The following OR8G5 variants were observed in gnomAD, a reference collection of about 807,000 sequenced individuals.
OR8G5 encodes the protein olfactory receptor 8G5.
For missense variants in OR8G5, 347 were observed against 371.9 expected (o/e 0.93, Z 0.55); for synonymous variants, 147 against 147.7 (o/e 1.00, Z 0.03).
rs144888494 is a variant in OR8G5 at position 124,263,915 on chromosome 11, T to C, written c.-14-1003T>C. On this transcript the variant is annotated intron_variant, in intron 1 of 1. Transcript: ENST00000641992. ...CTGTTTAACAGAAAGGGGATCACAC[T>C]TGTAATTCTGTTTTTTAATTGTGTG... Among the ~76,000 whole-genome samples the C allele has an allele frequency of 3.4e-3, 515 of 152,272 alleles. 5 individuals are homozygous for C. The highest frequency in any genetic ancestry group is 0.012 in the African/African-American group (496 of 41,564).
intron 1 of OR8G5, among the ~76,000 whole-genome samples, chr11:124,259,577 C>T (rs553532067): frequency 6.6e-6 from 1 of 152,138 alleles, no homozygotes; most frequent in Admixed American, 6.5e-5. Flanking sequence ...GTCTGGGGAA[C>T]AGGATAGAGT....
chr11:124,265,724 G>C lies in OR8G5; in HGVS notation c.793G>C (p.Val265Leu), dbSNP rs777070624. The change falls in exon 2 of 2, where the codon GTC (valine) becomes CTC (leucine). Residue 265 changes from valine (V) to leucine (L), a missense_variant. Physicochemically the swap from Val to Leu is conservative, Grantham distance 32. Transcript: ENST00000641992. ...ATTCATGTACCTGCAGCCATCATCTGTCAGCTCCATGGACCAGGGGAAAGT... is the reference window on the plus strand; with the variant it reads ...ATTCATGTACCTGCAGCCATCATCTCTCAGCTCCATGGACCAGGGGAAAGT... ...AAFMYLQPSS[V>L]SSMDQGKVSS... 17 of 1,614,022 alleles carry C rather than the reference G, an allele frequency of 1.1e-5. No homozygotes were observed. Among genetic ancestry groups the C allele is most frequent in the Non-Finnish European group, 1.4e-5 (17 of 1,179,942 alleles).
chr11:124,265,887 G>T lies in OR8G5; in HGVS notation c.*20G>T. 6.4e-7 allele frequency: 1 copy of T among 1,572,836 alleles called. No homozygotes were observed. Among genetic ancestry groups the T allele is most frequent in the Non-Finnish European group, 8.6e-7 (1 of 1,159,414 alleles). On this transcript the variant is annotated 3_prime_UTR_variant, in exon 2 of 2. Transcript: ENST00000641992. ...TTATGAACAGAAGTACAATGAAAAA[G>T]ATTGCATTAGATCTAAGTTTTTGGC...
intron 1 of OR8G5, among the ~76,000 whole-genome samples, chr11:124,263,377 T>C (rs571727906): frequency 1.3e-5 from 2 of 152,188 alleles, no homozygotes; most frequent in East Asian, 3.9e-4. Flanking sequence ...CTTTAAGCTT[T>C]AGGGTACGTG....
intron 1 of OR8G5, among the ~76,000 whole-genome samples, chr11:124,258,373 A>G (rs1018504321): frequency 7.2e-5 from 11 of 152,002 alleles, no homozygotes; most frequent in African/African-American, 2.7e-4. Flanking sequence ...CCTGACCAAC[A>G]TAGCGAAACC....
chr11:124,258,114 A>G (rs1861929886), intron 1 of OR8G5, among the ~76,000 whole-genome samples: 1 of 152,168 alleles, frequency 6.6e-6, no homozygotes, highest in South Asian at 2.1e-4. Context: ...TAAGTCTGTC[A>G]AACACCATAC....
chr11:124,258,058 T>G (rs2512190), intron 1 of OR8G5, among the ~76,000 whole-genome samples: 74,223 of 151,886 alleles, frequency 0.49, 18,779 homozygotes, highest in East Asian at 0.58. Context: ...CCCATTGAAT[T>G]ATCTCCTCTC....
intron 1 of OR8G5, 112 bp from the exon 2 acceptor site, chr11:124,264,806 A>T (rs540878100): frequency 7.5e-7 from 1 of 1,327,158 alleles, no homozygotes; most frequent in Admixed American, 2.0e-5. Context: ...ATTATGATTC[A>T]GTTAATTGAA....
chr11:124,262,035 TTA>T (rs1861976327), intron 1 of OR8G5, among the ~76,000 whole-genome samples: 2 of 151,818 alleles, frequency 1.3e-5, no homozygotes, highest in Admixed American at 1.3e-4. Flanking sequence ...AATTTATACC[TTA>T]TATGCACATA....
chr11:124,264,879 C>A (rs770528633), intron 1 of OR8G5, 39 bp from the exon 2 acceptor site: 2 of 1,607,244 alleles, frequency 1.2e-6, no homozygotes, highest in Non-Finnish European at 1.7e-6. Flanking sequence ...AATAACAATA[C>A]AATTCACCTA....
chr11:124,262,674 TAC>T (rs377046056), intron 1 of OR8G5, among the ~76,000 whole-genome samples: 4 of 151,178 alleles, frequency 2.6e-5, no homozygotes, highest in South Asian at 2.1e-4. Context: ...TATGTACATA[TAC>T]ACACACACAC....
chr11:124,262,319 C>T (rs1408132354), intron 1 of OR8G5, among the ~76,000 whole-genome samples: 1 of 151,388 alleles, frequency 6.6e-6, no homozygotes, highest in Non-Finnish European at 1.5e-5. Flanking sequence ...TTTTGCATAG[C>T]CTACAAATAT....
At chr11:124,258,319 G>A (rs1291556385) in intron 1 of OR8G5, among the ~76,000 whole-genome samples, 1 of 152,136 alleles carries the variant, frequency 6.6e-6, no homozygotes, top group African/African-American at 2.4e-5. Context: ...CACTTTGGGA[G>A]GTTGAGTTGG....
intron 1 of OR8G5, among the ~76,000 whole-genome samples, chr11:124,263,218 G>T (rs1031775539): frequency 6.6e-6 from 1 of 152,032 alleles, no homozygotes; most frequent in African/African-American, 2.4e-5. Context: ...TTAGATAAAA[G>T]TCCTCTGTCA....
At chr11:124,257,528 G>A (rs1041483199) in intron 1 of OR8G5, among the ~76,000 whole-genome samples, 1 of 152,148 alleles carries the variant, frequency 6.6e-6, no homozygotes, top group Admixed American at 6.5e-5. Flanking sequence ...AGCTGGATGA[G>A]ACGGACAAGT....
intron 1 of OR8G5, among the ~76,000 whole-genome samples, chr11:124,262,832 G>A (rs772036310): frequency 2.0e-5 from 3 of 151,846 alleles, no homozygotes; most frequent in Non-Finnish European, 4.4e-5. Context: ...ATTTTTCTTG[G>A]GTAAATACTA....
chr11:124,265,372 G>A lies in OR8G5; in HGVS notation c.441G>A (p.Val147=), dbSNP rs777415993. 37 of 1,613,862 alleles carry A rather than the reference G, an allele frequency of 2.3e-5. No individual in the cohort carries two copies. Among genetic ancestry groups the A allele is most frequent in the Non-Finnish European group, 3.0e-5 (35 of 1,179,882 alleles). ...SNKACFSLIL[V]VYVIGLICAS... ...AGGCTTGCTTTTCTCTGATTTTAGT[G>A]GTGTATGTAATAGGCCTGATTTGTG... The change falls in exon 2 of 2, where the codon GTG becomes GTA. Residue 147 remains valine (V), a synonymous_variant. Coordinates refer to ENST00000641992, the MANE Select transcript of OR8G5 (RefSeq NM_001005198.2).
At chr11:124,260,634 TAGTG>T (rs571267345) in intron 1 of OR8G5, among the ~76,000 whole-genome samples, 13 of 151,790 alleles carry the variant, frequency 8.6e-5, no homozygotes, top group Non-Finnish European at 1.3e-4. Context: ...ATCTTTATAA[TAGTG>T]AGTCTTATTA....
chr11:124,258,154 C>T (rs1861930291), intron 1 of OR8G5, among the ~76,000 whole-genome samples: 1 of 152,136 alleles, frequency 6.6e-6, no homozygotes, highest in Admixed American at 6.6e-5. Context: ...TCTTTTGTTT[C>T]TCTTTCAATG....
Sources: allele counts gnomAD v4.1 joint callset (sites outside exome capture counted in the v4.1 genomes callset), GRCh38; gene constraint gnomAD v4.1.1; transcripts MANE v1.5; gene names NCBI Gene and HGNC (gene_info 2026-07-23, HGNC 2026-07-21).